Variants in RFTN1 observed in about 807,000 individuals in gnomAD.
The protein encoded by RFTN1 is raftlin.
In RFTN1, 26 loss-of-function variants were observed where a neutral mutation model predicts 46.5. The observed-to-expected ratio is 0.56, with a 90% CI of 0.41 to 0.78. The LOEUF (loss-of-function observed/expected upper bound fraction) is 0.78. Ranked by LOEUF, RFTN1 falls within the 30% of genes least tolerant of loss-of-function variation. The pLI is 0.00. For synonymous variants in RFTN1, 261 were observed against 284.2 expected (o/e 0.92, Z 0.82); for missense variants, 693 against 718.7 (o/e 0.96, Z 0.41).
intron 2 of RFTN1, among the ~76,000 whole-genome samples, chr3:16,461,180 C>G (rs894311307): frequency 1.3e-5 from 2 of 152,022 alleles, no homozygotes; most frequent in African/African-American, 4.8e-5. Context: ...TTTTGACCAT[C>G]TTTGACAAGG....
intron 2 of RFTN1, among the ~76,000 whole-genome samples, chr3:16,445,483 T>TCACAGACACA (rs2075711346): frequency 7.9e-6 from 1 of 126,778 alleles, no homozygotes; most frequent in African/African-American, 3.1e-5. Context: ...TCTCTCTCTC[T>TCACAGACACA]CACACACACA....
Position 16,480,504 on chromosome 3 carries a change from T to C in RFTN1, c.145+13221A>G, listed in dbSNP as rs1009417800. On this transcript the variant is annotated intron_variant, in intron 2 of 9. Coordinates refer to ENST00000334133, the MANE Select transcript of RFTN1 (RefSeq NM_015150.2). This position sits in a 1 kb window ranked among gnomAD's most constrained non-coding sequence, Gnocchi z 4.3. ...TTTTTACTTATCAGGAGCCCTGACC[T>C]GTAAACAAAGAAGAGTATGCCTGAA... Among the ~76,000 whole-genome samples the C allele has an allele frequency of 6.6e-6, 1 of 152,224 alleles. No homozygotes were observed. The highest frequency in any genetic ancestry group is 2.4e-5 in the African/African-American group (1 of 41,462).
At chr3:16,394,548 T>C (rs2063776) in intron 4 of RFTN1, among the ~76,000 whole-genome samples, 25,014 of 152,102 alleles carry the variant, frequency 0.16, 2,356 homozygotes, top group East Asian at 0.3. Flanking sequence ...AGGCTTCCCT[T>C]GGAAGGGGAG....
intron 4 of RFTN1, among the ~76,000 whole-genome samples, chr3:16,401,565 C>T (rs1047790933): frequency 6.6e-6 from 1 of 152,196 alleles, no homozygotes; most frequent in African/African-American, 2.4e-5. Flanking sequence ...GCATGCTCTT[C>T]CCCTGGATTC....
rs923563615 is a variant in RFTN1, at chr3:16,338,055, G to A, written c.1147-11179C>T. Among the ~76,000 whole-genome samples the A allele has an allele frequency of 1.3e-5, 2 of 152,206 alleles. No homozygotes were observed. Among genetic ancestry groups the A allele is most frequent in the African/African-American group, 4.8e-5 (2 of 41,450 alleles). On this transcript the variant is annotated intron_variant, in intron 7 of 9. Coordinates refer to ENST00000334133, the MANE Select transcript of RFTN1 (RefSeq NM_015150.2). This position sits in a 1 kb window ranked among gnomAD's most constrained non-coding sequence, Gnocchi z 5.3. Reference sequence around the variant, plus strand: ...GGCTTCTCCTAAAGCACCATGCCAAGCTGGCAAGAAAACCAAACCTGCATG... The same window carrying A: ...GGCTTCTCCTAAAGCACCATGCCAAACTGGCAAGAAAACCAAACCTGCATG...
intron 2 of RFTN1, among the ~76,000 whole-genome samples, chr3:16,478,481 T>C (rs1230869014): frequency 2.0e-5 from 3 of 152,230 alleles, no homozygotes; most frequent in East Asian, 1.9e-4. Context: ...GTCTCTCATA[T>C]AGAAGCAAGA....
At chr3:16,394,020 G>A (rs2074413060) in intron 4 of RFTN1, among the ~76,000 whole-genome samples, 1 of 151,930 alleles carries the variant, frequency 6.6e-6, no homozygotes, top group South Asian at 2.1e-4. Flanking sequence ...CTACAACATG[G>A]AAAACAATTT....
chr3:16,476,622 G>A (rs989710477), intron 2 of RFTN1, among the ~76,000 whole-genome samples: 2 of 152,146 alleles, frequency 1.3e-5, no homozygotes, highest in African/African-American at 4.8e-5. Context: ...TGAACTGGGA[G>A]AAGACCTGGG....
intron 4 of RFTN1, among the ~76,000 whole-genome samples, chr3:16,391,888 T>G (rs891884410): frequency 6.8e-5 from 4 of 59,054 alleles, no homozygotes; most frequent in African/African-American, 1.5e-4. Context: ...TTTTGTTTTT[T>G]TTTTTGTTTT....
chr3:16,372,210 G>T (rs1039441665), intron 5 of RFTN1, among the ~76,000 whole-genome samples: 1 of 152,182 alleles, frequency 6.6e-6, no homozygotes, highest in Non-Finnish European at 1.5e-5. Flanking sequence ...TGGAGATGAT[G>T]CCAGTGAATG....
In RFTN1 at chr3:16,316,844, G is replaced by C; in HGVS notation, c.1721C>G (p.Thr574Arg). 6.2e-7 allele frequency: 1 copy of C among 1,613,984 alleles called. No individual in the cohort carries two copies. Among genetic ancestry groups the C allele is most frequent in the Non-Finnish European group, 8.5e-7 (1 of 1,180,008 alleles). ...GDAEEVRELG[T>R]VEEN ...GCCCAAGACTCAGTTTTCTTCAACC[G>C]TACCAAGCTCTCTGACTTCCTCAGC... The change falls in exon 10 of 10, where the codon ACG becomes AGG. Residue 574 changes from threonine (T) to arginine (R), a missense_variant. Transcript: ENST00000334133. The surrounding 1 kb of genome is among the most constrained non-coding windows in gnomAD (Gnocchi z 4.5).
chr3:16,482,938 T>A, intron 2 of RFTN1: 2 of 978,120 alleles, frequency 2.0e-6, no homozygotes, highest in Non-Finnish European at 3.0e-6. Flanking sequence ...ACTCTGACCC[T>A]GGGGCCTCTT....
chr3:16,490,786 C>T (rs1178121084), intron 2 of RFTN1, among the ~76,000 whole-genome samples: 1 of 152,228 alleles, frequency 6.6e-6, no homozygotes, highest in Non-Finnish European at 1.5e-5. Flanking sequence ...AATTATGGTA[C>T]ACTGAGTGAT....
In RFTN1 at chr3:16,370,256, T is replaced by G. The variant is rs749911724; in HGVS notation, c.850A>C (p.Asn284His). The change falls in exon 6 of 10, where the codon AAC becomes CAC. Residue 284 changes from asparagine (N) to histidine (H), a missense_variant. Physicochemically the swap from Asn to His is moderately conservative, Grantham distance 68 (BLOSUM62 1). Transcript: ENST00000334133. This position sits in a 1 kb window ranked among gnomAD's most constrained non-coding sequence, Gnocchi z 5.5. ...CACTTCTGATGGCTCTTCGGTTTGT[T>G]GAAAAGGGTGAAGATCTCCATTTCT... is the stretch of plus-strand genomic sequence containing the variant. ...SGKMEIFTLFNKPKSHQKCRQ... is the reference protein window; with the variant it reads ...SGKMEIFTLFHKPKSHQKCRQ... 1 of 1,614,228 alleles carries G rather than the reference T, an allele frequency of 6.2e-7. No homozygotes were observed.
chr3:16,350,893 C>G (rs1016184560), intron 7 of RFTN1, among the ~76,000 whole-genome samples: 1 of 152,150 alleles, frequency 6.6e-6, no homozygotes, highest in Admixed American at 6.5e-5. Context: ...TTAAAAAGAA[C>G]AAATATTGGC....
chr3:16,392,405 G>C (rs896928854), intron 4 of RFTN1, among the ~76,000 whole-genome samples: 1 of 152,056 alleles, frequency 6.6e-6, no homozygotes, highest in Non-Finnish European at 1.5e-5. Flanking sequence ...CTCATTATCT[G>C]TGCTGGATCC....
chr3:16,431,782 G>A lies in RFTN1; in HGVS notation c.332+2069C>T, dbSNP rs2075393862. On this transcript the variant is annotated intron_variant, in intron 3 of 9. Transcript: ENST00000334133. ...CTACTGAGGGGTAAAATGGGGGAAA[G>A]GTTGAGTAATAAAAGTACTTCTTTA... Among the ~76,000 whole-genome samples, 6 of 152,152 alleles carry A rather than the reference G, an allele frequency of 3.9e-5. 1 individual carries two copies. In the South Asian group the frequency reaches 6.2e-4, roughly 16 times the overall value.
rs9875592 is a variant in RFTN1, at chr3:16,345,813, T to C, written c.1146+12119A>G. On this transcript the variant is annotated intron_variant, in intron 7 of 9. Transcript: ENST00000334133. The surrounding 1 kb of genome is among the most constrained non-coding windows in gnomAD (Gnocchi z 5.2). ...CTGTGTGTGTGTGTGTGTGTGTGTG[T>C]GTGTGCGCGCGCGCGTGCGCGCACG... Among the ~76,000 whole-genome samples, 1 of 84,736 alleles carries C rather than the reference T, an allele frequency of 1.2e-5. No individual in the cohort carries two copies. The highest frequency in any genetic ancestry group is 3.7e-4 in the South Asian group (1 of 2,704). The allele number at this position is 84,736 out of a possible 152,430, so 55.6% of individuals were successfully genotyped here.
intron 4 of RFTN1, among the ~76,000 whole-genome samples, chr3:16,395,534 C>T (rs13082467): frequency 0.16 from 24,927 of 151,642 alleles, 2,346 homozygotes; most frequent in East Asian, 0.3. Flanking sequence ...TAACTTCGAA[C>T]TCCTGGAATC....
Sources: allele counts gnomAD v4.1 joint callset (sites outside exome capture counted in the v4.1 genomes callset), GRCh38; gene constraint gnomAD v4.1.1; non-coding constraint Gnocchi (gnomAD v3.1); transcripts MANE v1.5; gene names NCBI Gene and HGNC (gene_info 2026-07-23, HGNC 2026-07-21).